SPIDR: variants seen among roughly 807,000 people sequenced by gnomAD.
The protein encoded by SPIDR is DNA repair-scaffolding protein.
In SPIDR, 93 loss-of-function variants were observed where a neutral mutation model predicts 104.6. That is an observed-to-expected ratio of 0.89 (90% CI 0.75 to 1.06). The LOEUF (loss-of-function observed/expected upper bound fraction) is 1.06, where lower values mean the gene tolerates loss of function less well. Ranked by LOEUF, SPIDR falls within the 50% of genes least tolerant of loss-of-function variation. The pLI is 0.00. For missense variants in SPIDR, 1,154 were observed against 1,111.2 expected, an observed-to-expected ratio of 1.04 and a Z score of -0.55; for synonymous variants, 431 against 416.9, an observed-to-expected ratio of 1.03 and a Z score of -0.41.
rs540899056 is a variant in SPIDR at position 47,410,573 on chromosome 8, A to G, written c.877+2612A>G. The stretch of plus-strand genomic sequence containing the variant: ...TTTTTATATTAATGATTATGACATT[A>G]AATAATAATCTTTACAACTCATTTG... On this transcript the variant is annotated intron_variant, in intron 7 of 19. Coordinates refer to ENST00000297423, the MANE Select transcript of SPIDR (RefSeq NM_001080394.4). Among the ~76,000 whole-genome samples the G allele has an allele frequency of 8.5e-5, 13 of 152,160 alleles. No homozygotes were observed. In the East Asian group the frequency reaches 1.9e-3, roughly 23 times the overall value.
At position 47,650,807 on chromosome 8, in the gene SPIDR, C is replaced by T. The variant is rs371414614; in HGVS notation, c.1545-22994C>T. Among the ~76,000 whole-genome samples the T allele has an allele frequency of 5.9e-5, 9 of 152,234 alleles. No individual in the cohort carries two copies. The East Asian group carries it at 1.5e-3, about 26-fold the overall frequency. ...CCCAAGAAATAAGGCCAAATACTTA[C>T]AGTTAATAGGTCTTCAACAAAGCAT... On this transcript the variant is annotated intron_variant, in intron 10 of 19. Transcript: ENST00000297423.
At chr8:47,699,525 C>G (rs905665803) in intron 11 of SPIDR, among the ~76,000 whole-genome samples, 12 of 152,042 alleles carry the variant, frequency 7.9e-5, no homozygotes, top group African/African-American at 2.9e-4. Context: ...AACTGTTTGT[C>G]CTTTTGTGTC....
intron 7 of SPIDR, among the ~76,000 whole-genome samples, chr8:47,408,335 T>C (rs527376487): frequency 3.9e-5 from 6 of 152,262 alleles, no homozygotes; most frequent in Admixed American, 1.3e-4. Context: ...GACATAATCA[T>C]GTAGCCTCAA....
At chr8:47,723,681 G>A (rs1266069302) in intron 16 of SPIDR, among the ~76,000 whole-genome samples, 1 of 151,946 alleles carries the variant, frequency 6.6e-6, no homozygotes, top group Non-Finnish European at 1.5e-5. Context: ...CTCCCACCTT[G>A]GCCTCCCAAA....
Position 47,475,731 on chromosome 8 carries a change from G to A in SPIDR, c.1097+35189G>A, listed in dbSNP as rs545095064. Among the ~76,000 whole-genome samples the A allele has an allele frequency of 3.9e-5, 6 of 152,240 alleles. No individual in the cohort carries two copies. In the South Asian group the frequency reaches 1.2e-3, roughly 32 times the overall value. ...ATAAGTGTATTGGTACTAGAGCCAA[G>A]AAGACACATATAAAATGATCCAAAA... On this transcript the variant is annotated intron_variant, in intron 8 of 19. Coordinates refer to ENST00000297423, the MANE Select transcript of SPIDR (RefSeq NM_001080394.4).
At chr8:47,372,752 C>T (rs1554639778) in intron 5 of SPIDR, among the ~76,000 whole-genome samples, 1 of 152,042 alleles carries the variant, frequency 6.6e-6, no homozygotes, top group Non-Finnish European at 1.5e-5. Flanking sequence ...TCATAGGGTA[C>T]ATGTGCATGT....
chr8:47,265,722 A>C (rs1303343086), intron 1 of SPIDR, among the ~76,000 whole-genome samples: 2 of 152,204 alleles, frequency 1.3e-5, no homozygotes, highest in African/African-American at 4.8e-5. Flanking sequence ...TATTGAGATA[A>C]CTGTAAATTC....
intron 11 of SPIDR, among the ~76,000 whole-genome samples, chr8:47,687,614 TAAAG>T (rs1236301906): frequency 6.6e-6 from 1 of 152,196 alleles, no homozygotes; most frequent in Non-Finnish European, 1.5e-5. Context: ...AGTGAATAAA[TAAAG>T]CTCACTCATT....
chr8:47,493,042 AGTGT>A (rs60518877), intron 8 of SPIDR, among the ~76,000 whole-genome samples: 7,938 of 140,522 alleles, frequency 0.056, 562 homozygotes, highest in African/African-American at 0.18. Context: ...AGAGAGAGTG[AGTGT>A]GTGTGTGTGT....
At chr8:47,263,992 A>G (rs1397619165) in intron 1 of SPIDR, among the ~76,000 whole-genome samples, 3 of 152,210 alleles carry the variant, frequency 2.0e-5, no homozygotes, top group African/African-American at 7.2e-5. Flanking sequence ...TATGTACTAG[A>G]TATCTGATGA....
chr8:47,455,911 A>C (rs2072874348), intron 8 of SPIDR, among the ~76,000 whole-genome samples: 2 of 152,216 alleles, frequency 1.3e-5, no homozygotes, highest in African/African-American at 4.8e-5. Flanking sequence ...ATTGTTGAAG[A>C]CTTTAATACC....
At chr8:47,711,452 C>G (rs1016273426) in intron 14 of SPIDR, among the ~76,000 whole-genome samples, 2 of 152,088 alleles carry the variant, frequency 1.3e-5, no homozygotes, top group African/African-American at 2.4e-5. Flanking sequence ...AACTCCTGAG[C>G]TCAAGCGATG....
chr8:47,549,639 G>A lies in SPIDR; in HGVS notation c.1098-46172G>A, dbSNP rs567496030. Among the ~76,000 whole-genome samples, 4 of 152,246 alleles carry A rather than the reference G, an allele frequency of 2.6e-5. No homozygotes were observed. The East Asian group carries it at 7.7e-4, about 29-fold the overall frequency. On this transcript the variant is annotated intron_variant, in intron 8 of 19. Coordinates refer to ENST00000297423, the MANE Select transcript of SPIDR (RefSeq NM_001080394.4). ...GTTGTTTTTTCTTGTAAATTTGTTT[G>A]AGTTCTTTGTAGATTCTGGATATTA...
intron 5 of SPIDR, among the ~76,000 whole-genome samples, chr8:47,313,275 A>G (rs1170501307): frequency 6.6e-6 from 1 of 152,168 alleles, no homozygotes; most frequent in Non-Finnish European, 1.5e-5. Flanking sequence ...TAACAGACAA[A>G]CAGAGAGCCA....
At chr8:47,647,941 A>G (rs1464732107) in intron 10 of SPIDR, among the ~76,000 whole-genome samples, 1 of 152,186 alleles carries the variant, frequency 6.6e-6, no homozygotes, top group African/African-American at 2.4e-5. Context: ...TCTGTGCATC[A>G]CATACATGAA....
At chr8:47,499,974 A>G (rs1177149268) in intron 8 of SPIDR, among the ~76,000 whole-genome samples, 3 of 152,160 alleles carry the variant, frequency 2.0e-5, no homozygotes, top group African/African-American at 7.2e-5. Flanking sequence ...ACATGAACTC[A>G]TCCTTTTTTA....
intron 8 of SPIDR, among the ~76,000 whole-genome samples, chr8:47,443,542 G>C (rs1274870445): frequency 2.3e-5 from 3 of 133,240 alleles, no homozygotes; most frequent in African/African-American, 8.8e-5. Flanking sequence ...CTGCATTCCA[G>C]CCTGGGCGAC....
At chr8:47,534,506 T>G (rs1006165915) in intron 8 of SPIDR, among the ~76,000 whole-genome samples, 5 of 152,204 alleles carry the variant, frequency 3.3e-5, no homozygotes, top group Admixed American at 3.3e-4. Context: ...GAGCCTATTA[T>G]GCTTAGCAAA....
At chr8:47,583,863 C>T (rs1291782781) in intron 8 of SPIDR, among the ~76,000 whole-genome samples, 1 of 152,214 alleles carries the variant, frequency 6.6e-6, no homozygotes, top group Non-Finnish European at 1.5e-5. Context: ...CCTAGCAGCT[C>T]CCAGAGGGGC....
Sources: gnomAD v4.1 joint callset for allele counts (sites outside exome capture counted in the v4.1 genomes callset) on GRCh38, gnomAD v4.1.1 for gene constraint, MANE v1.5 for transcripts, NCBI Gene and HGNC (gene_info 2026-07-23, HGNC 2026-07-21) for gene names.